Variants in NAT16 observed in about 807,000 individuals in gnomAD.
NAT16 encodes probable N-acetyltransferase 16.
In NAT16, 16 loss-of-function variants were observed where a neutral mutation model predicts 15.9. The observed-to-expected ratio is 1.01, with a 90% confidence interval of 0.68 to 1.53. The LOEUF is 1.53. Ranked by LOEUF, NAT16 falls within the 40% of genes most tolerant of loss-of-function variation. The pLI is 0.00. For synonymous variants in NAT16, 260 were observed against 241.9 expected (o/e 1.07, Z -0.69); for missense variants, 572 against 508.4 (o/e 1.13, Z -1.20).
rs1416587871 is a variant in NAT16 at position 101,172,233 on chromosome 7, C to T, written c.956G>A (p.Arg319His). 1.2e-6 allele frequency: 2 copies of T among 1,613,194 alleles called. No individual in the cohort carries two copies. The highest frequency in any genetic ancestry group is 1.7e-6 in the Non-Finnish European group (2 of 1,179,784). ...GAGGCCAACGAGGCGCGGGGCCTGG[C>T]GCTGCAGGTGCCACAGCAGCTGGCT... ...VQSQLLWHLQRQAPRLVGLNV... is the reference protein window; with the variant it reads ...VQSQLLWHLQHQAPRLVGLNV... Residue 319 changes from arginine to histidine, a missense_variant, in exon 4 of 4, where the codon CGC (arginine) becomes CAC (histidine). Transcript: ENST00000300303. The surrounding 1 kb of genome is among the most constrained non-coding windows in gnomAD (Gnocchi z 4.2).
chr7:101,173,083 A>G (rs1797372989), intron 3 of NAT16, among the ~76,000 whole-genome samples: 1 of 152,080 alleles, frequency 6.6e-6, no homozygotes, highest in African/African-American at 2.4e-5. Flanking sequence ...TTGGGAAGTA[A>G]GGACTAGGGT....
rs74887968 is a variant in NAT16, at chr7:101,173,760, C to T, written c.313-240G>A. 7.6e-3 allele frequency: 3,999 copies of T among 525,596 alleles called. 20 individuals are homozygous for T. The highest frequency in any genetic ancestry group is 0.011 in the Non-Finnish European group (3,225 of 302,656). 32.6% of individuals were successfully genotyped at this position (525,596 alleles called of 1,614,324 possible). A position where few individuals can be genotyped will look rare whatever the true frequency, so the allele number is the denominator to read the frequency against. On this transcript the variant is annotated intron_variant, in intron 2 of 3. Coordinates refer to ENST00000300303, the MANE Select transcript of NAT16 (RefSeq NM_198571.3). Reference sequence around the variant, plus strand: ...TATTTTAAATTTAGGACAGGGTCTCCTCACCCAGGCTGGAGCGCAGTGGTG... The same window carrying T: ...TATTTTAAATTTAGGACAGGGTCTCTTCACCCAGGCTGGAGCGCAGTGGTG...
At chr7:101,179,493 G>A (rs1797544847) in intron 1 of NAT16, among the ~76,000 whole-genome samples, 1 of 150,838 alleles carries the variant, frequency 6.6e-6, no homozygotes, top group South Asian at 2.1e-4. Flanking sequence ...GGGGTCAAGG[G>A]GAAAAGAAAG....
intron 1 of NAT16, chr7:101,179,223 G>A (rs1562876575): frequency 6.6e-6 from 1 of 152,340 alleles, no homozygotes; most frequent in Non-Finnish European, 1.5e-5. Context: ...AGCGCCCAAA[G>A]ATGAGAGCGA....
chr7:101,175,193 G>C (rs1028817290), intron 1 of NAT16, among the ~76,000 whole-genome samples: 10 of 152,074 alleles, frequency 6.6e-5, no homozygotes, highest in Non-Finnish European at 1.2e-4. Flanking sequence ...GACTTCAGGC[G>C]ATCCTCCTAC....
intron 2 of NAT16, chr7:101,173,840 C>T (rs1056958859): frequency 5.3e-6 from 2 of 376,704 alleles, no homozygotes; most frequent in Admixed American, 8.7e-5. Flanking sequence ...CCCCTACACC[C>T]CCAAGACTTC....
intron 1 of NAT16, among the ~76,000 whole-genome samples, chr7:101,178,438 C>T (rs947832240): frequency 7.2e-5 from 11 of 152,252 alleles, no homozygotes; most frequent in African/African-American, 2.6e-4. Flanking sequence ...CCCTCCAGTC[C>T]AGCACCCTCC....
In NAT16 at chr7:101,174,443, G is replaced by A. The variant is rs572491056; in HGVS notation, c.312+53C>T. 6.6e-5 allele frequency: 100 copies of A among 1,515,814 alleles called. No homozygotes were observed. The East Asian group carries it at 2.4e-3, about 36-fold the overall frequency. 93.9% of individuals were successfully genotyped at this position (1,515,814 alleles called of 1,614,324 possible). A position where few individuals can be genotyped will look rare whatever the true frequency, so the allele number is the denominator to read the frequency against. On this transcript the variant is annotated intron_variant, in intron 2 of 3. Coordinates refer to ENST00000300303, the MANE Select transcript of NAT16 (RefSeq NM_198571.3). ...TCATCCTCCTCTTCCTAAGATCCAC[G>A]CACCCGCAGGTGGCTTCACCCCATG...
chr7:101,177,215 A>G (rs1028510904), intron 1 of NAT16, among the ~76,000 whole-genome samples: 6 of 152,220 alleles, frequency 3.9e-5, no homozygotes. Context: ...TTCATTTCAT[A>G]ATCAAGGAGA....
At chr7:101,174,300 G>C (rs1179819077) in intron 2 of NAT16, 196 bp downstream of exon 2, 1 of 672,152 alleles carries the variant, frequency 1.5e-6, no homozygotes, top group East Asian at 2.9e-5. Context: ...TCTGCTTTAG[G>C]AGTCCTCCAC....
At chr7:101,177,705 G>A (rs1222379226) in intron 1 of NAT16, among the ~76,000 whole-genome samples, 1 of 152,158 alleles carries the variant, frequency 6.6e-6, no homozygotes, top group Non-Finnish European at 1.5e-5. Flanking sequence ...AGAGCAAGGA[G>A]GGGAACTACT....
intron 1 of NAT16, 53 bp from the exon 2 acceptor site, chr7:101,174,864 CTG>C (rs1216627059): frequency 2.0e-6 from 3 of 1,500,054 alleles, no homozygotes; most frequent in Non-Finnish European, 2.7e-6. Flanking sequence ...GTTTCCACAT[CTG>C]GGCCCCTGCA....
intron 1 of NAT16, among the ~76,000 whole-genome samples, chr7:101,176,503 GA>G (rs71895915): frequency 4.2e-5 from 5 of 118,758 alleles, no homozygotes; most frequent in South Asian, 2.8e-4. Flanking sequence ...TCTGTCTCAA[GA>G]AAAAAAAAAA....
At chr7:101,173,726 A>G in intron 2 of NAT16, 1 of 539,724 alleles carries the variant, frequency 1.9e-6, no homozygotes, top group Non-Finnish European at 3.2e-6. Flanking sequence ...CCACCTTTTT[A>G]TTTTTATTTA....
Position 101,178,889 on chromosome 7 carries a change from C to CAAAAAAAAAAAAA in NAT16, c.-5+1140_-5+1152dup, listed in dbSNP as rs71126381. Reference sequence around the variant, plus strand: ...CTGGGCAACAAGAGTGAAACGCTGTCAAAAAAAAAAAAAAAAAAAAAGAGG... The same window carrying CAAAAAAAAAAAAA: ...CTGGGCAACAAGAGTGAAACGCTGTCAAAAAAAAAAAAAAAAAAAAAAAAAAAAAAAAAAGAGG... On this transcript the variant is annotated intron_variant, in intron 1 of 3. Coordinates refer to ENST00000300303, the MANE Select transcript of NAT16 (RefSeq NM_198571.3). Among the ~76,000 whole-genome samples, 82 of 62,038 alleles carry CAAAAAAAAAAAAA rather than the reference C, an allele frequency of 1.3e-3. 1 individual carries two copies. Among genetic ancestry groups the CAAAAAAAAAAAAA allele is most frequent in the Non-Finnish European group, 1.5e-3 (56 of 36,236 alleles). The allele number at this position is 62,038 out of a possible 152,430, so 40.7% of individuals were successfully genotyped here. A position where few individuals can be genotyped will look rare whatever the true frequency, so the allele number is the denominator to read the frequency against.
At position 101,172,686 on chromosome 7, in the gene NAT16, G is replaced by A. The variant is rs768179140; in HGVS notation, c.538-35C>T. On this transcript the variant is annotated intron_variant, in intron 3 of 3. Coordinates refer to ENST00000300303, the MANE Select transcript of NAT16 (RefSeq NM_198571.3). The surrounding 1 kb of genome is among the most constrained non-coding windows in gnomAD (Gnocchi z 4.2). ...GCACGAGTGAGCGCGGGGAGGGGGGGCGCAGCAGGGCTGGCGAGCCCGGCG... is the reference window on the plus strand; with the variant it reads ...GCACGAGTGAGCGCGGGGAGGGGGGACGCAGCAGGGCTGGCGAGCCCGGCG... 67 of 1,416,572 alleles carry A rather than the reference G, an allele frequency of 4.7e-5. No individual in the cohort carries two copies. The highest frequency in any genetic ancestry group is 6.1e-5 in the African/African-American group (4 of 65,946). 87.8% of individuals were successfully genotyped at this position (1,416,572 alleles called of 1,614,324 possible).
Position 101,172,095 on chromosome 7 carries a change from A to C in NAT16, c.1094T>G (p.Leu365Arg). Residue 365 changes from leucine (L) to arginine (R), a missense_variant, in exon 4 of 4, where the codon CTG becomes CGG. Transcript: ENST00000300303. The surrounding 1 kb of genome is among the most constrained non-coding windows in gnomAD (Gnocchi z 4.2). ...GGAGAGGCCTCAGATGTCGGCCTCC[A>C]GCAGGTACTGTTCAGTATAACCCTT... Reference protein sequence around the residue: ...LVKGYTEQYLLEADI With the variant: ...LVKGYTEQYLREADI 6.2e-7 allele frequency: 1 copy of C among 1,612,850 alleles called. No homozygotes were observed. Among genetic ancestry groups the C allele is most frequent in the Non-Finnish European group, 8.5e-7 (1 of 1,179,206 alleles).
At position 101,172,723 on chromosome 7, in the gene NAT16, G is replaced by A. The variant is rs1021347897; in HGVS notation, c.538-72C>T. On this transcript the variant is annotated intron_variant, in intron 3 of 3. Transcript: ENST00000300303. This position sits in a 1 kb window ranked among gnomAD's most constrained non-coding sequence, Gnocchi z 4.2. Reference sequence around the variant, plus strand: ...TGGCGAGCCCGGCGCCTCTCGGCAGGCATCTTCACTCCCACGTTCACGCCC... The same window carrying A: ...TGGCGAGCCCGGCGCCTCTCGGCAGACATCTTCACTCCCACGTTCACGCCC... 1.2e-5 allele frequency: 15 copies of A among 1,218,394 alleles called. No homozygotes were observed. In the Admixed American group the frequency reaches 4.0e-4, roughly 32 times the overall value. 75.5% of individuals were successfully genotyped at this position (1,218,394 alleles called of 1,614,324 possible). A position where few individuals can be genotyped will look rare whatever the true frequency, so the allele number is the denominator to read the frequency against.
chr7:101,172,199 C>T lies in NAT16; in HGVS notation c.990G>A (p.Met330Ile), dbSNP rs1399280161. 6.2e-7 allele frequency: 1 copy of T among 1,613,948 alleles called. No homozygotes were observed. Among genetic ancestry groups the T allele is most frequent in the African/African-American group, 1.3e-5 (1 of 75,046 alleles). Residue 330 changes from methionine (M) to isoleucine (I), a missense_variant, in exon 4 of 4, where the codon ATG becomes ATA. Met to Ile is a conservative substitution (Grantham distance 10). Transcript: ENST00000300303. This position sits in a 1 kb window ranked among gnomAD's most constrained non-coding sequence, Gnocchi z 4.2. ...GCTGGGGCTCCAGGAAGAGCTGGCA[C>T]ATGACGTTGAGGCCAACGAGGCGCG... Reference protein sequence around the residue: ...QAPRLVGLNVMCQLFLEPQLW... With the variant: ...QAPRLVGLNVICQLFLEPQLW...
Sources: gnomAD v4.1 joint callset for allele counts (sites outside exome capture counted in the v4.1 genomes callset) on GRCh38, gnomAD v4.1.1 for gene constraint, Gnocchi (gnomAD v3.1) non-coding constraint, MANE v1.5 for transcripts, NCBI Gene and HGNC (gene_info 2026-07-23, HGNC 2026-07-21) for gene names.